FRAS1: variants seen among roughly 807,000 people sequenced by gnomAD.
FRAS1 encodes extracellular matrix organizing protein FRAS1.
A neutral mutation model predicts 435.2 loss-of-function variants in FRAS1; 290 were observed. That is an observed-to-expected ratio of 0.67 (90% CI 0.61 to 0.73). The LOEUF (loss-of-function observed/expected upper bound fraction) is 0.73. FRAS1 is among the 30% of genes least tolerant of loss of function. The pLI, the probability that FRAS1 is intolerant of heterozygous loss-of-function variation, is 0.00. For missense variants in FRAS1, 4,860 were observed against 5,001.5 expected (o/e 0.97, Z 0.85); for synonymous variants, 1,800 against 1,851.0 (o/e 0.97, Z 0.71).
intron 7 of FRAS1, among the ~76,000 whole-genome samples, chr4:78,265,753 C>T (rs1184921686): frequency 2.0e-5 from 3 of 152,148 alleles, no homozygotes; most frequent in African/African-American, 7.2e-5. Flanking sequence ...AAGCAAAGAA[C>T]ACATAAAAAA....
intron 2 of FRAS1, among the ~76,000 whole-genome samples, chr4:78,160,157 G>C (rs931002186): frequency 6.6e-6 from 1 of 152,068 alleles, no homozygotes; most frequent in Non-Finnish European, 1.5e-5. Flanking sequence ...TTTTTAATGA[G>C]GAAAAAGGCA....
At chr4:78,218,916 T>C (rs1356559000) in intron 2 of FRAS1, among the ~76,000 whole-genome samples, 1 of 152,208 alleles carries the variant, frequency 6.6e-6, no homozygotes, top group Non-Finnish European at 1.5e-5. Context: ...AAATTCTTTA[T>C]CCTTTCAATT....
chr4:78,122,310 C>A (rs1230375998), intron 2 of FRAS1, among the ~76,000 whole-genome samples: 2 of 152,146 alleles, frequency 1.3e-5, no homozygotes, highest in Non-Finnish European at 2.9e-5. Context: ...ATTAACTCAT[C>A]CTTTTTTATG....
chr4:78,518,306 C>A (rs950135736), intron 66 of FRAS1, among the ~76,000 whole-genome samples: 1 of 150,782 alleles, frequency 6.6e-6, no homozygotes, highest in African/African-American at 2.4e-5. Flanking sequence ...CTTAATTACC[C>A]ATAGAAACAC....
rs1346879664 is a variant in FRAS1 at position 78,464,012 on chromosome 4, T to A, written c.6764-9T>A. The A allele has an allele frequency of 1.2e-6, 2 of 1,611,644 alleles. No individual in the cohort carries two copies. Among genetic ancestry groups the A allele is most frequent in the Non-Finnish European group, 1.7e-6 (2 of 1,179,142 alleles). ...TCCTGTCTCTGTTTCTCTTTTCCCC[T>A]TTTTCTAGGTATCCAGATTAGTTCC... On this transcript the variant is annotated splice_polypyrimidine_tract_variant and intron_variant, in intron 47 of 73. Transcript: ENST00000512123.
At chr4:78,163,709 G>A (rs750479727) in intron 2 of FRAS1, among the ~76,000 whole-genome samples, 8 of 152,058 alleles carry the variant, frequency 5.3e-5, no homozygotes, top group Non-Finnish European at 1.2e-4. Flanking sequence ...TTGCTTCTTT[G>A]GAAAAATTAA....
intron 20 of FRAS1, among the ~76,000 whole-genome samples, chr4:78,357,860 C>T (rs1039662747): frequency 6.6e-6 from 1 of 152,190 alleles, no homozygotes; most frequent in Non-Finnish European, 1.5e-5. Context: ...ATGATTTTGC[C>T]TCTGTACTCC....
At chr4:78,446,465 A>G in intron 42 of FRAS1, 1 of 1,251,956 alleles carries the variant, frequency 8.0e-7, no homozygotes, top group South Asian at 2.0e-5. Flanking sequence ...TTTGGTCTAG[A>G]AAATATGGTC....
Position 78,537,213 on chromosome 4 carries a change from C to T in FRAS1, c.11298+13C>T, listed in dbSNP as rs543259475. 2.5e-6 allele frequency: 4 copies of T among 1,611,310 alleles called. No homozygotes were observed. The highest frequency in any genetic ancestry group is 3.4e-6 in the Non-Finnish European group (4 of 1,178,428). ...ATTCCTGCTGTTGGTATGCTAAGTT[C>T]TCACTATTAGTGTTAAAGAGCAGAC... is the stretch of plus-strand genomic sequence containing the variant. On this transcript the variant is annotated intron_variant, in intron 72 of 73. Coordinates refer to ENST00000512123, the MANE Select transcript of FRAS1 (RefSeq NM_025074.7).
chr4:78,458,239 G>A (rs560558893), intron 47 of FRAS1, among the ~76,000 whole-genome samples: 10 of 152,228 alleles, frequency 6.6e-5, no homozygotes, highest in Middle Eastern at 3.4e-3. Context: ...TTCTATCGTT[G>A]TGGAGGCTAG....
chr4:78,294,311 T>A (rs569165093), intron 14 of FRAS1, among the ~76,000 whole-genome samples: 1 of 152,266 alleles, frequency 6.6e-6, no homozygotes, highest in East Asian at 1.9e-4. Flanking sequence ...TCAGTAGACA[T>A]CACTGGAGTA....
At chr4:78,305,963 G>T (rs1401600745) in intron 14 of FRAS1, among the ~76,000 whole-genome samples, 1 of 151,910 alleles carries the variant, frequency 6.6e-6, no homozygotes, top group African/African-American at 2.4e-5. Context: ...AGTCTCGATG[G>T]TCTTTACATT....
intron 32 of FRAS1, among the ~76,000 whole-genome samples, chr4:78,413,633 C>T (rs552229635): frequency 6.6e-6 from 1 of 152,266 alleles, no homozygotes; most frequent in South Asian, 2.1e-4. Flanking sequence ...GAAAAGAGCA[C>T]ATGGAAAGAC....
At chr4:78,234,261 T>G (rs1724640655) in intron 2 of FRAS1, among the ~76,000 whole-genome samples, 1 of 152,150 alleles carries the variant, frequency 6.6e-6, no homozygotes, top group Non-Finnish European at 1.5e-5. Context: ...AGTCTCGCTC[T>G]GTCACCCAGG....
intron 33 of FRAS1, among the ~76,000 whole-genome samples, chr4:78,420,590 A>AGTTCTATACCTG (rs1454892987): frequency 3.7e-5 from 4 of 107,082 alleles, no homozygotes; most frequent in Admixed American, 1.9e-4. Context: ...TTCTTAGAAT[A>AGTTCTATACCTG]ATCAAGACCC....
At chr4:78,362,643 C>T (rs551477722) in intron 20 of FRAS1, among the ~76,000 whole-genome samples, 6 of 152,304 alleles carry the variant, frequency 3.9e-5, no homozygotes, top group South Asian at 2.1e-4. Context: ...TGGGTACTGG[C>T]GCTTGGTGGG....
chr4:78,507,318 A>G lies in FRAS1; in HGVS notation c.9317-103A>G. The G allele has an allele frequency of 4.9e-6, 5 of 1,020,512 alleles. No homozygotes were observed. In the South Asian group the frequency reaches 9.5e-5, roughly 19 times the overall value. 63.2% of individuals were successfully genotyped at this position (1,020,512 alleles called of 1,614,324 possible). A position where few individuals can be genotyped will look rare whatever the true frequency, so the allele number is the denominator to read the frequency against. On this transcript the variant is annotated intron_variant, in intron 61 of 73. Coordinates refer to ENST00000512123, the MANE Select transcript of FRAS1 (RefSeq NM_025074.7). ...GTTTATAGAACACCACTAAAAAGAA[A>G]GAACATATTTTAACATAATGTCTCA...
intron 2 of FRAS1, among the ~76,000 whole-genome samples, chr4:78,171,553 C>G (rs1173593037): frequency 6.6e-6 from 1 of 152,134 alleles, no homozygotes; most frequent in Non-Finnish European, 1.5e-5. Flanking sequence ...CCACACCTAC[C>G]ACCACTTCTT....
chr4:78,521,862 A>G (rs1721396799), intron 68 of FRAS1, among the ~76,000 whole-genome samples: 1 of 152,218 alleles, frequency 6.6e-6, no homozygotes, highest in South Asian at 2.1e-4. Flanking sequence ...ATCTCCTAAG[A>G]ACAAGGACAT....
Sources: gnomAD v4.1 joint callset for allele counts (sites outside exome capture counted in the v4.1 genomes callset) on GRCh38, gnomAD v4.1.1 for gene constraint, MANE v1.5 for transcripts, NCBI Gene and HGNC (gene_info 2026-07-23, HGNC 2026-07-21) for gene names.